Variants in NBEA observed in about 807,000 individuals in gnomAD.
NBEA encodes the protein lysosomal-trafficking regulator 2.
NBEA carries 44 observed loss-of-function variants against 343.4 expected under a neutral mutation model. The ratio of observed to expected loss-of-function variants is 0.13; its 90% CI spans 0.10 to 0.16. NBEA has a LOEUF of 0.16. NBEA is among the 10% of genes least tolerant of loss of function. NBEA has a pLI of 1.00. For missense variants in NBEA, 2,555 were observed against 3,631.3 expected, an observed-to-expected ratio of 0.70 and a Z score of 7.62; for synonymous variants, 1,175 against 1,238.7, an observed-to-expected ratio of 0.95 and a Z score of 1.08.
At chr13:35,597,014 AC>A (rs543563368) in intron 47 of NBEA, among the ~76,000 whole-genome samples, 177 of 152,288 alleles carry the variant, frequency 1.2e-3, no homozygotes, top group African/African-American at 4.1e-3. Flanking sequence ...ATAAAATGGT[AC>A]GCTCTCTCAG....
At chr13:35,283,254 G>A (rs1043726997) in intron 34 of NBEA, among the ~76,000 whole-genome samples, 2 of 152,044 alleles carry the variant, frequency 1.3e-5, no homozygotes, top group African/African-American at 4.8e-5. Context: ...TTTCTAGGCT[G>A]TATCAACACA....
At chr13:35,317,717 T>C (rs1476898650) in intron 36 of NBEA, among the ~76,000 whole-genome samples, 1 of 152,236 alleles carries the variant, frequency 6.6e-6, no homozygotes, top group Non-Finnish European at 1.5e-5. Context: ...TTTCACAATA[T>C]TGATTCTTCC....
At chr13:35,402,682 A>G (rs901119766) in intron 38 of NBEA, among the ~76,000 whole-genome samples, 1 of 152,166 alleles carries the variant, frequency 6.6e-6, no homozygotes, top group African/African-American at 2.4e-5. Context: ...TAATTAGTTT[A>G]AAAGCAGATG....
intron 34 of NBEA, among the ~76,000 whole-genome samples, chr13:35,261,133 A>T (rs2033171784): frequency 6.6e-6 from 1 of 152,232 alleles, no homozygotes; most frequent in Non-Finnish European, 1.5e-5. Context: ...AAGGAAAGTC[A>T]GTTGTAAAAC....
At chr13:35,540,047 C>T (rs2078748470) in intron 41 of NBEA, among the ~76,000 whole-genome samples, 1 of 150,164 alleles carries the variant, frequency 6.7e-6, no homozygotes, top group Non-Finnish European at 1.5e-5. Context: ...ACTATTGCTA[C>T]AATCATTACT....
At chr13:35,396,654 A>G (rs1378157842) in intron 38 of NBEA, among the ~76,000 whole-genome samples, 3 of 152,180 alleles carry the variant, frequency 2.0e-5, no homozygotes, top group Admixed American at 2.0e-4. Flanking sequence ...TGGGTAACTC[A>G]CCAATTCCTC....
At chr13:35,670,076 C>CT (rs1176245077) in intron 58 of NBEA, among the ~76,000 whole-genome samples, 2 of 152,138 alleles carry the variant, frequency 1.3e-5, no homozygotes, top group Non-Finnish European at 2.9e-5. Flanking sequence ...ATAGTGCATG[C>CT]ATATCAATTA....
At chr13:35,158,994 G>A in intron 21 of NBEA, 22 bp from the exon 22 acceptor site, 2 of 1,532,580 alleles carry the variant, frequency 1.3e-6, no homozygotes, top group South Asian at 1.3e-5. Flanking sequence ...ATGCCTTAAT[G>A]TTTTCTTTAC....
chr13:35,001,956 A>G (rs1323428047), intron 1 of NBEA, among the ~76,000 whole-genome samples: 2 of 152,194 alleles, frequency 1.3e-5, no homozygotes, highest in Non-Finnish European at 2.9e-5. Context: ...AAAAATTAAA[A>G]TAGGTGACAG....
At chr13:35,505,040 A>G (rs1012663815) in intron 41 of NBEA, among the ~76,000 whole-genome samples, 1 of 152,006 alleles carries the variant, frequency 6.6e-6, no homozygotes, top group South Asian at 2.1e-4. Flanking sequence ...CTTAAAGTAA[A>G]TATTATAAAA....
chr13:35,081,094 G>A (rs944799905), intron 10 of NBEA, among the ~76,000 whole-genome samples: 6 of 152,078 alleles, frequency 3.9e-5, no homozygotes, highest in African/African-American at 7.2e-5. Context: ...TAAATGCTTC[G>A]TAGTATGGCT....
chr13:35,555,139 A>G (rs751305453), intron 44 of NBEA, 37 bp downstream of exon 44: 13 of 1,190,312 alleles, frequency 1.1e-5, no homozygotes, highest in Non-Finnish European at 1.6e-5. Context: ...TAATATGTTT[A>G]TGTTCATCAA....
intron 11 of NBEA, among the ~76,000 whole-genome samples, chr13:35,099,118 T>C (rs1334231647): frequency 1.3e-5 from 2 of 149,364 alleles, no homozygotes; most frequent in African/African-American, 4.9e-5. Flanking sequence ...CCCCATCTCC[T>C]GAGTTCGATC....
chr13:35,280,187 T>C (rs1311909372), intron 34 of NBEA, among the ~76,000 whole-genome samples: 1 of 152,166 alleles, frequency 6.6e-6, no homozygotes, highest in Non-Finnish European at 1.5e-5. Context: ...TGATTAAACA[T>C]ATATTTTAGC....
At chr13:35,646,175 G>A (rs2084222094) in intron 50 of NBEA, 84 bp from the exon 51 acceptor site, 1 of 1,053,324 alleles carries the variant, frequency 9.5e-7, no homozygotes, top group African/African-American at 1.6e-5. Context: ...GGCTGACTTG[G>A]GATACACTTG....
At chr13:35,517,071 G>A (rs1399511146) in intron 41 of NBEA, among the ~76,000 whole-genome samples, 1 of 152,060 alleles carries the variant, frequency 6.6e-6, no homozygotes, top group Non-Finnish European at 1.5e-5. Flanking sequence ...TCTATCCCAT[G>A]TTTTAGATCT....
intron 48 of NBEA, among the ~76,000 whole-genome samples, chr13:35,610,694 A>G (rs142161901): frequency 2.6e-5 from 4 of 152,160 alleles, no homozygotes; most frequent in Non-Finnish European, 4.4e-5. Flanking sequence ...AAAAGAAAAC[A>G]TTGATACACT....
intron 38 of NBEA, among the ~76,000 whole-genome samples, chr13:35,360,420 A>G: frequency 6.6e-6 from 1 of 152,028 alleles, no homozygotes; most frequent in Non-Finnish European, 1.5e-5. Context: ...GGAAGTTAAC[A>G]TGATCCAGTG....
At chr13:35,130,876 C>T (rs1305974610) in intron 17 of NBEA, among the ~76,000 whole-genome samples, 1 of 151,754 alleles carries the variant, frequency 6.6e-6, no homozygotes, top group East Asian at 1.9e-4. Context: ...TATATATCTT[C>T]TAAATAACTA....
Sources: gnomAD v4.1 joint callset for allele counts (sites outside exome capture counted in the v4.1 genomes callset) on GRCh38, gnomAD v4.1.1 for gene constraint, MANE v1.5 for transcripts, NCBI Gene and HGNC (gene_info 2026-07-23, HGNC 2026-07-21) for gene names.